SSH2: variants seen among roughly 807,000 people sequenced by gnomAD.
SSH2 encodes slingshot protein phosphatase 2.
A neutral mutation model predicts 135.2 loss-of-function variants in SSH2; 37 were observed. The observed-to-expected ratio is 0.27, with a 90% CI of 0.21 to 0.36. SSH2 has a LOEUF of 0.36. Among genes scored for constraint, SSH2 ranks in the 10% least tolerant of loss-of-function variants. SSH2 has a pLI of 1.00. For missense variants in SSH2, 1,408 were observed against 1,765.3 expected, an observed-to-expected ratio of 0.80 and a Z score of 3.63; for synonymous variants, 628 against 646.2, an observed-to-expected ratio of 0.97 and a Z score of 0.43.
At chr17:29,648,368 G>A in intron 13 of SSH2, 24 bp from the exon 14 acceptor site, 1 of 1,570,498 alleles carries the variant, frequency 6.4e-7, no homozygotes, top group East Asian at 2.3e-5. Context: ...TTGAGGTAAA[G>A]AATAGAGGAA....
At chr17:29,678,156 C>T (rs2151061903) in intron 6 of SSH2, among the ~76,000 whole-genome samples, 1 of 148,672 alleles carries the variant, frequency 6.7e-6, no homozygotes, top group Middle Eastern at 3.5e-3. Flanking sequence ...TGCAGTGGTG[C>T]AGTCTCAGCT....
intron 2 of SSH2, among the ~76,000 whole-genome samples, chr17:29,828,556 C>T (rs962387178): frequency 1.3e-5 from 2 of 152,342 alleles, no homozygotes; most frequent in Middle Eastern, 3.4e-3. Flanking sequence ...GAAGAGAATA[C>T]ACATTTTCTG....
intron 3 of SSH2, among the ~76,000 whole-genome samples, chr17:29,737,557 C>A (rs184632678): frequency 9.2e-5 from 14 of 152,210 alleles, no homozygotes; most frequent in Admixed American, 9.2e-4. Flanking sequence ...AGGCACAGTA[C>A]AAAAGCATGG....
chr17:29,823,022 G>C (rs1044164121), intron 2 of SSH2, among the ~76,000 whole-genome samples: 2 of 152,048 alleles, frequency 1.3e-5, no homozygotes, highest in African/African-American at 4.8e-5. Flanking sequence ...AAGAGTACCA[G>C]AGAACAGTTG....
chr17:29,709,033 G>T (rs145852581), intron 3 of SSH2, among the ~76,000 whole-genome samples: 3 of 145,540 alleles, frequency 2.1e-5, no homozygotes, highest in Admixed American at 1.4e-4. Context: ...GAGAGAGAGA[G>T]AGAGAGAGAG....
chr17:29,637,281 T>G (rs901165273), intron 14 of SSH2, among the ~76,000 whole-genome samples: 2 of 152,160 alleles, frequency 1.3e-5, no homozygotes, highest in African/African-American at 4.8e-5. Context: ...GTATTTTTAG[T>G]AGAGATGGGG....
intron 2 of SSH2, among the ~76,000 whole-genome samples, chr17:29,800,928 C>T (rs575295821): frequency 2.4e-3 from 354 of 149,820 alleles, no homozygotes; most frequent in Non-Finnish European, 3.9e-3. Context: ...TGCAGTGGTG[C>T]GATCTCGGCT....
intron 3 of SSH2, among the ~76,000 whole-genome samples, chr17:29,757,166 T>G (rs915600257): frequency 6.6e-6 from 1 of 152,226 alleles, no homozygotes; most frequent in Non-Finnish European, 1.5e-5. Context: ...TCCCACTAGT[T>G]ATTGCTATGT....
At chr17:29,781,787 T>C (rs907491310) in intron 3 of SSH2, among the ~76,000 whole-genome samples, 1 of 151,672 alleles carries the variant, frequency 6.6e-6, no homozygotes, top group African/African-American at 2.4e-5. Context: ...CCAATAACTT[T>C]TTTTCTTTTC....
chr17:29,869,794 C>T lies in SSH2; in HGVS notation c.64-20865G>A, dbSNP rs1450436367. ...TAAACCATATGAAGTGCAGGAAGGTCGCCTGCAGAAATCAGTCTGTGTTGA... is the reference window on the plus strand; with the variant it reads ...TAAACCATATGAAGTGCAGGAAGGTTGCCTGCAGAAATCAGTCTGTGTTGA... On this transcript the variant is annotated intron_variant, in intron 1 of 15. Coordinates refer to ENST00000540801, the MANE Select transcript of SSH2 (RefSeq NM_001282129.2). Among the ~76,000 whole-genome samples the T allele has an allele frequency of 2.6e-5, 4 of 152,108 alleles. No individual in the cohort carries two copies. In the South Asian group the frequency reaches 6.2e-4, roughly 24 times the overall value.
At chr17:29,826,619 T>C (rs1404845165) in intron 2 of SSH2, among the ~76,000 whole-genome samples, 5 of 152,220 alleles carry the variant, frequency 3.3e-5, no homozygotes, top group African/African-American at 1.2e-4. Flanking sequence ...TATTCTTAGG[T>C]AGACTGTCTC....
At chr17:29,844,771 AC>A (rs2043103279) in intron 2 of SSH2, among the ~76,000 whole-genome samples, 1 of 152,086 alleles carries the variant, frequency 6.6e-6, no homozygotes, top group South Asian at 2.1e-4. Flanking sequence ...TTTCCTGGAG[AC>A]TGAGTGGGAT....
intron 3 of SSH2, among the ~76,000 whole-genome samples, chr17:29,773,019 G>GTCCATCCATCCA (rs35452901): frequency 8.8e-5 from 13 of 146,994 alleles, no homozygotes; most frequent in Middle Eastern, 3.5e-3. Flanking sequence ...TTCCCCATCT[G>GTCCATCCATCCA]TCCATCCATC....
chr17:29,787,467 C>A (rs1051133025), intron 3 of SSH2: 2 of 152,142 alleles, frequency 1.3e-5, no homozygotes, highest in Non-Finnish European at 2.9e-5. Flanking sequence ...ACCCTGCTTT[C>A]AATTCTTTTA....
intron 14 of SSH2, among the ~76,000 whole-genome samples, chr17:29,643,778 G>A (rs2036262442): frequency 6.6e-6 from 1 of 152,192 alleles, no homozygotes; most frequent in African/African-American, 2.4e-5. Flanking sequence ...ATAGGCGTGA[G>A]TCACCGTGCC....
intron 13 of SSH2, among the ~76,000 whole-genome samples, chr17:29,648,871 C>T (rs899749496): frequency 1.3e-5 from 2 of 151,738 alleles, no homozygotes; most frequent in Non-Finnish European, 2.9e-5. Flanking sequence ...CTGGGCGCAG[C>T]GGCTCATGCC....
chr17:29,704,109 GTTA>G (rs1225262381), intron 3 of SSH2, among the ~76,000 whole-genome samples: 1 of 152,154 alleles, frequency 6.6e-6, no homozygotes, highest in Admixed American at 6.6e-5. Context: ...ATAAATATTA[GTTA>G]TTATAAGTAG....
chr17:29,647,960 G>C, intron 14 of SSH2, 184 bp downstream of exon 14: 1 of 619,144 alleles, frequency 1.6e-6, no homozygotes, highest in East Asian at 2.9e-5. Context: ...ACTGTGCCCG[G>C]CCAGCCCATG....
chr17:29,836,643 C>A (rs1362120814), intron 2 of SSH2, among the ~76,000 whole-genome samples: 2 of 152,198 alleles, frequency 1.3e-5, no homozygotes, highest in Non-Finnish European at 2.9e-5. Context: ...GAAATGTTAG[C>A]CATCTTTTCA....
Sources: allele counts gnomAD v4.1 joint callset (sites outside exome capture counted in the v4.1 genomes callset), GRCh38; gene constraint gnomAD v4.1.1; transcripts MANE v1.5; gene names NCBI Gene and HGNC (gene_info 2026-07-23, HGNC 2026-07-21).